SPATA31D1: variants seen among roughly 807,000 people sequenced by gnomAD.
SPATA31D1 encodes spermatogenesis-associated protein 31D1.
A neutral mutation model predicts 13.2 loss-of-function variants in SPATA31D1; 6 were observed. The ratio of observed to expected loss-of-function variants is 0.46; its 90% confidence interval spans 0.25 to 0.90. The LOEUF (loss-of-function observed/expected upper bound fraction) is 0.90. Ranked by LOEUF, SPATA31D1 falls within the 40% of genes least tolerant of loss-of-function variation. The probability of loss-of-function intolerance (pLI) is 0.18; values close to 1 mark genes in which losing one functional copy is unlikely to be tolerated. For synonymous variants in SPATA31D1, 903 were observed against 718.8 expected, an observed-to-expected ratio of 1.26 and a Z score of -4.10; for missense variants, 2,445 against 1,884.7, an observed-to-expected ratio of 1.30 and a Z score of -5.50.
At chr9:81,989,673 A>ATATTCTTG (rs778746668) in intron 1 of SPATA31D1, 105 bp from the exon 2 acceptor site, 353 of 1,233,382 alleles carry the variant, frequency 2.9e-4, no homozygotes, top group Admixed American at 4.4e-4. Flanking sequence ...TTAAAGAGTA[A>ATATTCTTG]TATTCTTGTA....
In SPATA31D1 at chr9:81,989,000, A is replaced by G. The variant is rs750966931; in HGVS notation, c.182A>G (p.Gln61Arg). Residue 61 changes from glutamine (Q) to arginine (R), a missense_variant, in exon 1 of 4, where the codon CAA becomes CGA. By Grantham distance (43) the Gln-to-Arg change is conservative. Coordinates refer to ENST00000344803, the MANE Select transcript of SPATA31D1 (RefSeq NM_001001670.3). The part of the protein sequence containing the change: ...SSPTEKNNDI[Q>R]KHQGRAKRRR... ...CCCACCGAAAAAAATAATGACATCC[A>G]AAAGGTAAGGAACTGTGGGTGAACA... 3 of 1,611,708 alleles carry G rather than the reference A, an allele frequency of 1.9e-6. No homozygotes were observed. The highest frequency in any genetic ancestry group is 2.2e-5 in the East Asian group (1 of 44,858).
Position 81,991,829 on chromosome 9 carries a change from T to G in SPATA31D1, c.1359T>G (p.Asn453Lys). 6.2e-7 allele frequency: 1 copy of G among 1,613,840 alleles called. No individual in the cohort carries two copies. The highest frequency in any genetic ancestry group is 8.5e-7 in the Non-Finnish European group (1 of 1,179,732). Reference sequence around the variant, plus strand: ...ACTACCAACTAAATTCCTCACGGAATATGTTAACCTCAATTGCTGTTAAGC... The same window carrying G: ...ACTACCAACTAAATTCCTCACGGAAGATGTTAACCTCAATTGCTGTTAAGC... Reference protein sequence around the residue: ...RPNYQLNSSRNMLTSIAVKHD... With the variant: ...RPNYQLNSSRKMLTSIAVKHD... The change falls in exon 4 of 4, where the codon AAT (asparagine) becomes AAG (lysine). Residue 453 changes from asparagine to lysine, a missense_variant. Coordinates refer to ENST00000344803, the MANE Select transcript of SPATA31D1 (RefSeq NM_001001670.3).
rs1825015940 is a variant in SPATA31D1 at position 81,993,217 on chromosome 9, G to T, written c.2747G>T (p.Trp916Leu). The change falls in exon 4 of 4, where the codon TGG becomes TTG. Residue 916 changes from tryptophan (W) to leucine (L), a missense_variant. Transcript: ENST00000344803. Reference sequence around the variant, plus strand: ...AAAACTTTCCGTATGAGGATGCTGTGGGGCCTTCCCCTCAAGGTCCTTGAA... The same window carrying T: ...AAAACTTTCCGTATGAGGATGCTGTTGGGCCTTCCCCTCAAGGTCCTTGAA... ...HIKTFRMRML[W>L]GLPLKVLESI... 1 of 1,613,792 alleles carries T rather than the reference G, an allele frequency of 6.2e-7. No individual in the cohort carries two copies. The highest frequency in any genetic ancestry group is 1.3e-5 in the African/African-American group (1 of 74,892).
Position 81,993,608 on chromosome 9 carries a change from C to A in SPATA31D1, c.3138C>A (p.Leu1046=). The change falls in exon 4 of 4, where the codon CTC becomes CTA. Residue 1046 remains leucine, a synonymous_variant. Coordinates refer to ENST00000344803, the MANE Select transcript of SPATA31D1 (RefSeq NM_001001670.3). ...KLDSTSSFPI[L]GHSYLVTSPV... ...ATTCAACAAGCTCATTCCCCATCCT[C>A]GGTCATTCTTACCTTGTCACTTCAC... 6.2e-7 allele frequency: 1 copy of A among 1,613,816 alleles called. No individual in the cohort carries two copies. The highest frequency in any genetic ancestry group is 1.7e-5 in the Admixed American group (1 of 60,012).
rs759822657 is a variant in SPATA31D1 at position 81,992,472 on chromosome 9, G to A, written c.2002G>A (p.Val668Ile). The A allele has an allele frequency of 3.7e-6, 6 of 1,612,028 alleles. No individual in the cohort carries two copies. The highest frequency in any genetic ancestry group is 2.2e-5 in the East Asian group (1 of 44,878). ...ELVRKSFKVH[V>I]PISIIPGDFP... is the part of the protein sequence containing the mutation. ...GGTCAGAAAGTCCTTCAAGGTCCAT[G>A]TTCCGATCTCCATCATTCCTGGAGA... The change falls in exon 4 of 4, where the codon GTT becomes ATT. Residue 668 changes from valine (V) to isoleucine (I), a missense_variant. Val to Ile is a conservative substitution (Grantham distance 29). Transcript: ENST00000344803.
In SPATA31D1 at chr9:81,992,688, C is replaced by G; in HGVS notation, c.2218C>G (p.Gln740Glu). ...GTTAAATATCTCTTTGGTTGAGGGTCAGAGGTGCAATGTTCTAAAGAAGTC... is the reference window on the plus strand; with the variant it reads ...GTTAAATATCTCTTTGGTTGAGGGTGAGAGGTGCAATGTTCTAAAGAAGTC... The part of the protein sequence containing the change: ...GPLNISLVEG[Q>E]RCNVLKKSAS... The change falls in exon 4 of 4, where the codon CAG becomes GAG. Residue 740 changes from glutamine to glutamate, a missense_variant. Gln to Glu is a conservative substitution (Grantham distance 29). Transcript: ENST00000344803. 1.2e-6 allele frequency: 2 copies of G among 1,613,788 alleles called. No homozygotes were observed. Among genetic ancestry groups the G allele is most frequent in the Non-Finnish European group, 1.7e-6 (2 of 1,179,722 alleles).
chr9:81,992,636 A>C lies in SPATA31D1; in HGVS notation c.2166A>C (p.Leu722=), dbSNP rs376003108. 5.8e-5 allele frequency: 94 copies of C among 1,613,590 alleles called. No homozygotes were observed. The highest frequency in any genetic ancestry group is 7.4e-5 in the Non-Finnish European group (87 of 1,179,742). ...GTCCTCAGAGCAAAATTTCAGAGCT[A>C]TCTGTGTCAGAGAGAATTCATGGAC... is the stretch of plus-strand genomic sequence containing the variant. ...LLRPQSKISE[L]SVSERIHGPL... is the part of the protein sequence containing the mutation. Residue 722 remains leucine (L), a synonymous_variant, in exon 4 of 4, where the codon CTA becomes CTC. Transcript: ENST00000344803.
chr9:81,989,772 T>C lies in SPATA31D1; in HGVS notation c.187-6T>C. 1 of 1,613,648 alleles carries C rather than the reference T, an allele frequency of 6.2e-7. No homozygotes were observed. The highest frequency in any genetic ancestry group is 1.1e-5 in the South Asian group (1 of 91,050). ...CAGCCTGTCATTATCTGTCTTTTGT[T>C]CTCAGCATCAGGGCAGAGCCAAGAG... On this transcript the variant is annotated splice_polypyrimidine_tract_variant and splice_region_variant and intron_variant, in intron 1 of 3. Transcript: ENST00000344803.
Position 81,993,543 on chromosome 9 carries a change from C to G in SPATA31D1, c.3073C>G (p.Leu1025Val). ...TDSKDGASTS[L>V]RRGTTDFQSE... is the part of the protein sequence containing the mutation. ...TTCCAAAGACGGGGCCTCCACATCC[C>G]TTAGAAGAGGTACTACAGATTTTCA... is the stretch of plus-strand genomic sequence containing the variant. Residue 1025 changes from leucine to valine, a missense_variant, in exon 4 of 4, where the codon CTT (leucine) becomes GTT (valine). By Grantham distance (32) the Leu-to-Val change is conservative. Coordinates refer to ENST00000344803, the MANE Select transcript of SPATA31D1 (RefSeq NM_001001670.3). 6.2e-7 allele frequency: 1 copy of G among 1,613,752 alleles called. No individual in the cohort carries two copies. The highest frequency in any genetic ancestry group is 1.3e-5 in the African/African-American group (1 of 74,970).
Position 81,991,511 on chromosome 9 carries a change from C to T in SPATA31D1, c.1041C>T (p.Asp347=), listed in dbSNP as rs752085906. The change falls in exon 4 of 4, where the codon GAC becomes GAT. Residue 347 remains aspartate, a synonymous_variant. Transcript: ENST00000344803. The part of the protein sequence containing the change: ...STSAPTIKGI[D]HSHLASSEFT... ...CTGCCCCAACAATCAAAGGCATTGA[C>T]CATTCACACCTTGCATCTTCAGAAT... The T allele has an allele frequency of 2.5e-6, 4 of 1,613,890 alleles. No homozygotes were observed. The highest frequency in any genetic ancestry group is 1.7e-5 in the Admixed American group (1 of 60,008).
rs766549142 is a variant in SPATA31D1, at chr9:81,992,931, C to T, written c.2461C>T (p.Leu821=). The change falls in exon 4 of 4, where the codon CTA becomes TTA. Residue 821 remains leucine (L), a synonymous_variant. Transcript: ENST00000344803. ...HLSGNDSGVR[L]GQKQLENALT... is the part of the protein sequence containing the mutation. The stretch of plus-strand genomic sequence containing the variant: ...GTCAGGGAATGACTCAGGGGTGAGA[C>T]TAGGTCAGAAACAACTTGAAAATGC... The T allele has an allele frequency of 1.2e-6, 2 of 1,613,732 alleles. No homozygotes were observed. The highest frequency in any genetic ancestry group is 2.7e-5 in the African/African-American group (2 of 75,036).
chr9:81,990,024 C>A, intron 2 of SPATA31D1: 1 of 603,334 alleles, frequency 1.7e-6, no homozygotes, highest in Non-Finnish European at 2.9e-6. Flanking sequence ...ACGGGCAGGA[C>A]AAAGTGATGG....
intron 2 of SPATA31D1, 27 bp downstream of exon 2, chr9:81,989,850 T>C: frequency 6.2e-7 from 1 of 1,611,108 alleles, no homozygotes; most frequent in Non-Finnish European, 8.5e-7. Context: ...CTATCTGAGC[T>C]TCAGGGGTGA....
upstream of SPATA31D1, among the ~76,000 whole-genome samples, chr9:81,987,690 T>C (rs1019607939): frequency 1.3e-5 from 2 of 152,202 alleles, no homozygotes; most frequent in African/African-American, 4.8e-5. Context: ...TATTTTTGTT[T>C]TATAGATGTT....
At position 81,993,947 on chromosome 9, in the gene SPATA31D1, C is replaced by G. The variant is rs199895818; in HGVS notation, c.3477C>G (p.Asn1159Lys). ...VTNALQSQTR[N>K]NLTTSKSGSC... is the part of the protein sequence containing the mutation. The stretch of plus-strand genomic sequence containing the variant: ...ATGCTCTTCAATCACAAACTAGGAA[C>G]AACTTGACAACCAGCAAGTCAGGAA... The change falls in exon 4 of 4, where the codon AAC (asparagine) becomes AAG (lysine). Residue 1159 changes from asparagine to lysine, a missense_variant. Asn to Lys is a moderately conservative substitution (Grantham distance 94). Coordinates refer to ENST00000344803, the MANE Select transcript of SPATA31D1 (RefSeq NM_001001670.3). 1,112 of 1,613,754 alleles carry G rather than the reference C, an allele frequency of 6.9e-4. 1 individual carries two copies. The highest frequency in any genetic ancestry group is 8.7e-4 in the Non-Finnish European group (1,030 of 1,179,784).
rs557608649 is a variant in SPATA31D1 at position 81,993,100 on chromosome 9, T to C, written c.2630T>C (p.Val877Ala). ...AGCCAAATTAAACATCGAAATCTGG[T>C]AACATTGGTGAGTGAGGACCACTGC... The part of the protein sequence containing the change: ...SHSQIKHRNL[V>A]TLVSEDHCVD... Residue 877 changes from valine (V) to alanine (A), a missense_variant, in exon 4 of 4, where the codon GTA (valine) becomes GCA (alanine). By Grantham distance (64) the Val-to-Ala change is moderately conservative. Coordinates refer to ENST00000344803, the MANE Select transcript of SPATA31D1 (RefSeq NM_001001670.3). The C allele has an allele frequency of 1.7e-5, 28 of 1,613,808 alleles. No individual in the cohort carries two copies. In the East Asian group the frequency reaches 4.9e-4, roughly 28 times the overall value.
At position 81,991,555 on chromosome 9, in the gene SPATA31D1, A is replaced by C. The variant is rs1824963994; in HGVS notation, c.1085A>C (p.His362Pro). The change falls in exon 4 of 4, where the codon CAT (histidine) becomes CCT (proline). Residue 362 changes from histidine (H) to proline (P), a missense_variant. His to Pro is a moderately conservative substitution (Grantham distance 77). Transcript: ENST00000344803. ...ASSEFTWWQP[H>P]AKDSFSSNFV... ...TCAGAATTCACCTGGTGGCAGCCTC[A>C]TGCCAAGGACTCTTTTTCCTCTAAT... 1.2e-6 allele frequency: 2 copies of C among 1,613,880 alleles called. No individual in the cohort carries two copies. The highest frequency in any genetic ancestry group is 2.7e-5 in the African/African-American group (2 of 74,922).
intron 3 of SPATA31D1, 57 bp downstream of exon 3, chr9:81,990,543 G>C: frequency 2.7e-6 from 4 of 1,499,604 alleles, no homozygotes; most frequent in Non-Finnish European, 3.6e-6. Context: ...TCTTTAGTAC[G>C]TTCTATTCAT....
In SPATA31D1 at chr9:81,990,078, T is replaced by C. The variant is rs1181057754; in HGVS notation, c.232+255T>C. The C allele has an allele frequency of 5.7e-6, 3 of 528,766 alleles. No homozygotes were observed. The Admixed American group carries it at 1.0e-4, about 18-fold the overall frequency. The allele number at this position is 528,766 out of a possible 1,614,324, so 32.8% of individuals were successfully genotyped here. A position where few individuals can be genotyped will look rare whatever the true frequency, so the allele number is the denominator to read the frequency against. On this transcript the variant is annotated intron_variant, in intron 2 of 3. Coordinates refer to ENST00000344803, the MANE Select transcript of SPATA31D1 (RefSeq NM_001001670.3). The stretch of plus-strand genomic sequence containing the variant: ...GCCCAATTGGTGGCCAACTGAGATA[T>C]CCAGGAGGGACTGCTGGTGGGCTTG...
Sources: allele counts gnomAD v4.1 joint callset (sites outside exome capture counted in the v4.1 genomes callset), GRCh38; gene constraint gnomAD v4.1.1; transcripts MANE v1.5; gene names NCBI Gene and HGNC (gene_info 2026-07-23, HGNC 2026-07-21).